DPP6: variants seen among roughly 807,000 people sequenced by gnomAD.
DPP6 encodes A-type potassium channel modulatory protein DPP6.
DPP6 carries 69 observed loss-of-function variants against 122.6 expected under a neutral mutation model. The observed-to-expected ratio is 0.56, with a 90% CI of 0.46 to 0.69. The LOEUF (loss-of-function observed/expected upper bound fraction) is 0.69. Ranked by LOEUF, DPP6 falls within the 30% of genes least tolerant of loss-of-function variation. The pLI is 0.00. For missense variants in DPP6, 928 were observed against 1,116.9 expected (o/e 0.83, Z 2.41); for synonymous variants, 418 against 433.1 (o/e 0.97, Z 0.43).
At chr7:154,070,050 T>G (rs1188308980) in intron 1 of DPP6, among the ~76,000 whole-genome samples, 1 of 151,900 alleles carries the variant, frequency 6.6e-6, no homozygotes, top group East Asian at 1.9e-4. Flanking sequence ...AGACTCCGTC[T>G]CAAAACAAAA....
intron 1 of DPP6, among the ~76,000 whole-genome samples, chr7:154,277,724 C>T (rs1804231974): frequency 6.6e-6 from 1 of 152,192 alleles, no homozygotes; most frequent in Non-Finnish European, 1.5e-5. Context: ...AGGATCACAG[C>T]ACTGTGCTCT....
chr7:154,038,605 T>TCC (rs1444863695), intron 1 of DPP6: 1 of 404 alleles, frequency 2.5e-3, no homozygotes, highest in African/African-American at 0.013. Flanking sequence ...GATAAGTGTG[T>TCC]CTTAAGTGAA....
intron 1 of DPP6, among the ~76,000 whole-genome samples, chr7:154,171,916 AT>A (rs1210895869): frequency 6.6e-6 from 1 of 152,032 alleles, no homozygotes. Context: ...GTCTTAGTGT[AT>A]TTTCCACTGG....
chr7:154,242,817 G>A (rs1801711383), intron 1 of DPP6, among the ~76,000 whole-genome samples: 1 of 152,204 alleles, frequency 6.6e-6, no homozygotes, highest in Non-Finnish European at 1.5e-5. Context: ...TTGGCTGAAG[G>A]CTGCCCACAC....
chr7:154,428,379 G>A (rs1818081910), intron 1 of DPP6, among the ~76,000 whole-genome samples: 1 of 152,116 alleles, frequency 6.6e-6, no homozygotes, highest in Admixed American at 6.5e-5. Flanking sequence ...GTATTCAGAG[G>A]AAGATTGCAT....
In DPP6 at chr7:154,876,100, G is replaced by A. The variant is rs780897513; in HGVS notation, c.2078G>A (p.Arg693Gln). The A allele has an allele frequency of 1.2e-5, 19 of 1,580,794 alleles. No homozygotes were observed. The highest frequency in any genetic ancestry group is 1.9e-4 in the Middle Eastern group (1 of 5,140). The change falls in exon 20 of 26, where the codon CGG becomes CAG. Residue 693 changes from arginine (R) to glutamine (Q), a missense_variant and splice_region_variant. Physicochemically the swap from Arg to Gln is conservative, Grantham distance 43. Coordinates refer to ENST00000377770, the MANE Select transcript of DPP6 (RefSeq NM_130797.4). Reference protein sequence around the residue: ...LEEKDQMEAVRTMLKEQYIDR... With the variant: ...LEEKDQMEAVQTMLKEQYIDR... ...GAGAAGGACCAGATGGAGGCCGTGCGGTGAGCACCCGCCCAGGAAGCAGGA... is the reference window on the plus strand; with the variant it reads ...GAGAAGGACCAGATGGAGGCCGTGCAGTGAGCACCCGCCCAGGAAGCAGGA...
chr7:154,794,396 C>T (rs1320491920), intron 11 of DPP6, among the ~76,000 whole-genome samples, 194 bp downstream of exon 11: 3 of 152,220 alleles, frequency 2.0e-5, no homozygotes, highest in Admixed American at 6.5e-5. Flanking sequence ...CAGGCGCTGC[C>T]GCAGACCCGA....
At chr7:154,059,151 C>G (rs1410409269) in intron 1 of DPP6, 1 of 148,426 alleles carries the variant, frequency 6.7e-6, no homozygotes, top group Non-Finnish European at 1.5e-5. Flanking sequence ...GAGAGCTATC[C>G]CCTCTTCCGC....
the DPP6 span, among the ~76,000 whole-genome samples, chr7:153,868,551 T>C: frequency 1.8e-3 from 269 of 152,318 alleles, no homozygotes; most frequent in Middle Eastern, 3.4e-3. Flanking sequence ...TTTTCTTCTT[T>C]ATTAGTCTTG....
At chr7:154,087,066 T>C (rs1804478123) in intron 1 of DPP6, among the ~76,000 whole-genome samples, 1 of 151,952 alleles carries the variant, frequency 6.6e-6, no homozygotes, top group Non-Finnish European at 1.5e-5. Context: ...CATATTTTTT[T>C]CCCAAGAAAG....
At chr7:154,842,411 C>T (rs1801626213) in intron 16 of DPP6, among the ~76,000 whole-genome samples, 1 of 152,014 alleles carries the variant, frequency 6.6e-6, no homozygotes, top group Non-Finnish European at 1.5e-5. Flanking sequence ...GTTTTGTGTC[C>T]TTTTTAATTA....
chr7:153,968,027 A>C (rs1795845158), intron 1 of DPP6, among the ~76,000 whole-genome samples: 1 of 150,692 alleles, frequency 6.6e-6, no homozygotes, highest in South Asian at 2.1e-4. Context: ...GAACATATGC[A>C]TACACGTATC....
intron 1 of DPP6, among the ~76,000 whole-genome samples, chr7:154,117,931 G>C (rs981105276): frequency 8.5e-5 from 13 of 152,118 alleles, no homozygotes; most frequent in African/African-American, 3.1e-4. Context: ...GAAACACAAA[G>C]TTAACACAGA....
At chr7:154,637,429 C>G (rs1835795365) in intron 5 of DPP6, among the ~76,000 whole-genome samples, 1 of 152,194 alleles carries the variant, frequency 6.6e-6, no homozygotes, top group Non-Finnish European at 1.5e-5. Flanking sequence ...TTCCCATAAC[C>G]CACAGGGAAC....
chr7:154,192,043 G>A (rs1224840019), intron 1 of DPP6, among the ~76,000 whole-genome samples: 1 of 152,146 alleles, frequency 6.6e-6, no homozygotes, highest in Non-Finnish European at 1.5e-5. Flanking sequence ...AAGTGCTGGT[G>A]GATTTCTGTC....
intron 1 of DPP6, among the ~76,000 whole-genome samples, chr7:153,942,910 G>A (rs1204628928): frequency 6.6e-6 from 1 of 152,216 alleles, no homozygotes; most frequent in Non-Finnish European, 1.5e-5. Flanking sequence ...GAATGCCCAT[G>A]CTCAGGGAGG....
chr7:154,530,472 GA>G (rs939686122), intron 3 of DPP6, among the ~76,000 whole-genome samples: 60 of 151,176 alleles, frequency 4.0e-4, no homozygotes, highest in Non-Finnish European at 8.3e-4. Flanking sequence ...CCCAGAACTT[GA>G]AAAAAAAAGT....
chr7:154,438,353 C>A (rs1819056601), intron 1 of DPP6, among the ~76,000 whole-genome samples: 1 of 150,764 alleles, frequency 6.6e-6, no homozygotes, highest in Non-Finnish European at 1.5e-5. Flanking sequence ...GCCTGTAGTC[C>A]CAGCTACTCA....
chr7:154,712,192 T>G (rs2131307469), intron 7 of DPP6, among the ~76,000 whole-genome samples: 1 of 152,288 alleles, frequency 6.6e-6, no homozygotes, highest in South Asian at 2.1e-4. Context: ...ACAGATAATA[T>G]CAAGGAAAAC....
Sources: allele counts gnomAD v4.1 joint callset (sites outside exome capture counted in the v4.1 genomes callset), GRCh38; gene constraint gnomAD v4.1.1; transcripts MANE v1.5; gene names NCBI Gene and HGNC (gene_info 2026-07-23, HGNC 2026-07-21).